NBL1: variants seen among roughly 807,000 people sequenced by gnomAD.
The protein encoded by NBL1 is NBL1, DAN family BMP antagonist.
NBL1 carries 9 observed loss-of-function variants against 16.0 expected under a neutral mutation model. That is an observed-to-expected ratio of 0.56 (90% CI 0.34 to 0.98). The LOEUF is 0.98. Among genes scored for constraint, NBL1 ranks in the 50% least tolerant of loss-of-function variants. The pLI is 0.02. For synonymous variants in NBL1, 86 were observed against 100.7 expected (o/e 0.85, Z 0.87); for missense variants, 196 against 243.1 (o/e 0.81, Z 1.29).
intron 2 of NBL1, 52 bp downstream of exon 2, chr1:19,655,252 G>C: frequency 6.2e-7 from 1 of 1,609,422 alleles, no homozygotes; most frequent in Non-Finnish European, 8.5e-7. Context: ...CAAGGAGGGA[G>C]GAAGAGGACC....
upstream of NBL1, chr1:19,643,716 T>C (rs1206274403): frequency 1.7e-6 from 2 of 1,147,324 alleles, no homozygotes; most frequent in Non-Finnish European, 2.2e-6. The surrounding 1 kb of genome is among the most constrained non-coding windows in gnomAD (Gnocchi z 4.7). Context: ...AGAGCGACAC[T>C]AGGATAACAC....
At position 19,657,071 on chromosome 1, in the gene NBL1, C is replaced by T. The variant is rs1249173867; in HGVS notation, c.488C>T (p.Pro163Leu). The change falls in exon 4 of 4, where the codon CCT (proline) becomes CTT (leucine). Residue 163 changes from proline (P) to leucine (L), a missense_variant. Physicochemically the swap from Pro to Leu is moderately conservative, Grantham distance 98. Transcript: ENST00000375136. Reference sequence around the variant, plus strand: ...CACCCCCATCCTGGCGGGCAGACCCCTGAGCCCGAGGACCCCCCTGGGGCC... The same window carrying T: ...CACCCCCATCCTGGCGGGCAGACCCTTGAGCCCGAGGACCCCCCTGGGGCC... ...HPHPHPGGQT[P>L]EPEDPPGAPH... The T allele has an allele frequency of 2.6e-6, 4 of 1,536,802 alleles. No homozygotes were observed. The highest frequency in any genetic ancestry group is 3.5e-6 in the Non-Finnish European group (4 of 1,138,850).
chr1:19,644,043 C>T, upstream of NBL1: 3 of 980,208 alleles, frequency 3.1e-6, no homozygotes, highest in Non-Finnish European at 3.6e-6. This position sits in a 1 kb window ranked among gnomAD's most constrained non-coding sequence, Gnocchi z 4.6. Flanking sequence ...GGCTGCCCTG[C>T]CTCTCGGGCG....
chr1:19,648,331 G>A (rs2094997388), intron 1 of NBL1, among the ~76,000 whole-genome samples: 2 of 152,192 alleles, frequency 1.3e-5, no homozygotes, highest in Admixed American at 6.5e-5. Flanking sequence ...CCCCTTTCCT[G>A]GGGGCTGGGA....
At chr1:19,656,606 C>T (rs751881391) in intron 3 of NBL1, among the ~76,000 whole-genome samples, 2 of 149,586 alleles carry the variant, frequency 1.3e-5, no homozygotes, top group Non-Finnish European at 3.0e-5. Flanking sequence ...GCGGTGGGGG[C>T]GATTTTAGCA....
At chr1:19,651,625 G>C (rs2095025951) in intron 1 of NBL1, among the ~76,000 whole-genome samples, 1 of 151,938 alleles carries the variant, frequency 6.6e-6, no homozygotes, top group African/African-American at 2.4e-5. Flanking sequence ...CCAACTCCAA[G>C]TGCTCACCCC....
chr1:19,647,498 A>G lies in NBL1; in HGVS notation c.-20+3052A>G, dbSNP rs560217634. ...AAGATTTGAACCCCAGTCTGTCATA[A>G]TTGTGGAGAATGGAGGAGGAGAGCC... On this transcript the variant is annotated intron_variant, in intron 1 of 3. Coordinates refer to ENST00000375136, the MANE Select transcript of NBL1 (RefSeq NM_005380.8). 2.1e-5 allele frequency: 9 copies of G among 419,114 alleles called. No homozygotes were observed. The South Asian group carries it at 6.1e-4, about 28-fold the overall frequency. The allele number at this position is 419,114 out of a possible 1,614,324, so 26.0% of individuals were successfully genotyped here. A position where few individuals can be genotyped will look rare whatever the true frequency, so the allele number is the denominator to read the frequency against.
chr1:19,646,430 C>T (rs2094980904), intron 1 of NBL1, among the ~76,000 whole-genome samples: 1 of 152,204 alleles, frequency 6.6e-6, no homozygotes, highest in Admixed American at 6.5e-5. Flanking sequence ...CAGAACTCAT[C>T]CTCAAACCCC....
chr1:19,650,323 C>A (rs1170119444), intron 1 of NBL1, among the ~76,000 whole-genome samples: 1 of 152,226 alleles, frequency 6.6e-6, no homozygotes, highest in African/African-American at 2.4e-5. Context: ...AATTCAGAAC[C>A]TCTGCTTCCC....
chr1:19,643,918 A>G, upstream of NBL1: 9 of 986,448 alleles, frequency 9.1e-6, no homozygotes, highest in Non-Finnish European at 1.1e-5. The surrounding 1 kb of genome is among the most constrained non-coding windows in gnomAD (Gnocchi z 4.7). Context: ...CATCTTTGTC[A>G]CCCCGAGGCC....
chr1:19,645,861 G>T, intron 1 of NBL1: 2 of 1,522,496 alleles, frequency 1.3e-6, no homozygotes, highest in Non-Finnish European at 8.8e-7. Flanking sequence ...GAGTTTAGCT[G>T]CTTCCCCCCA....
rs192983491 is a variant in NBL1, at chr1:19,654,923, G to A, written c.-19-89G>A. On this transcript the variant is annotated intron_variant, in intron 1 of 3. Transcript: ENST00000375136. The stretch of plus-strand genomic sequence containing the variant: ...GTGGGAGAGCTGGGGTTGCGCCAAG[G>A]AGTCGGATGCCAGAGTCCATGCTGT... 1.5e-3 allele frequency: 2,180 copies of A among 1,441,638 alleles called. 1 individual carries two copies. The highest frequency in any genetic ancestry group is 1.8e-3 in the Non-Finnish European group (1,988 of 1,098,686). The allele number at this position is 1,441,638 out of a possible 1,614,324, so 89.3% of individuals were successfully genotyped here. A position where few individuals can be genotyped will look rare whatever the true frequency, so the allele number is the denominator to read the frequency against.
intron 1 of NBL1, among the ~76,000 whole-genome samples, chr1:19,648,696 T>C (rs1351353812): frequency 7.0e-6 from 1 of 143,330 alleles, no homozygotes; most frequent in Non-Finnish European, 1.5e-5. Flanking sequence ...ATTTCCTTTC[T>C]GTGTGGGCGG....
At chr1:19,656,188 G>A (rs1008791157) in intron 3 of NBL1, among the ~76,000 whole-genome samples, 2 of 152,030 alleles carry the variant, frequency 1.3e-5, no homozygotes, top group East Asian at 1.9e-4. Flanking sequence ...CAGGGTAGGC[G>A]CTCTGTGGAA....
chr1:19,653,129 T>C (rs557896820), intron 1 of NBL1, among the ~76,000 whole-genome samples: 295 of 150,636 alleles, frequency 2.0e-3, no homozygotes, highest in Middle Eastern at 3.4e-3. Context: ...CTACTGAAAA[T>C]ACAAAAAATT....
chr1:19,643,592 G>T (rs144366484), upstream of NBL1: 2,715 of 1,402,614 alleles, frequency 1.9e-3, 46 homozygotes, highest in African/African-American at 0.035. This position sits in a 1 kb window ranked among gnomAD's most constrained non-coding sequence, Gnocchi z 4.7. Flanking sequence ...GGAAGCTGGG[G>T]CCAGGAGCTC....
upstream of NBL1, chr1:19,644,106 A>AGCCCGGGGCGGGCGGGCCAGGAGAGG: frequency 1.0e-6 from 1 of 972,612 alleles, no homozygotes; most frequent in Non-Finnish European, 1.2e-6. This position sits in a 1 kb window ranked among gnomAD's most constrained non-coding sequence, Gnocchi z 4.6. Context: ...GCCGAAGCTC[A>AGCCCGGGGCGGGCGGGCCAGGAGAGG]GCCCGGGGCG....
upstream of NBL1, chr1:19,643,514 A>G: frequency 6.6e-7 from 1 of 1,506,470 alleles, no homozygotes. The surrounding 1 kb of genome is among the most constrained non-coding windows in gnomAD (Gnocchi z 4.7). Flanking sequence ...AGCACACAGA[A>G]TAGAGAAGGT....
Position 19,644,432 on chromosome 1 carries a change from C to CGGCG in NBL1, c.-29_-26dup. 2 of 978,918 alleles carry CGGCG rather than the reference C, an allele frequency of 2.0e-6. No individual in the cohort carries two copies. Among genetic ancestry groups the CGGCG allele is most frequent in the Non-Finnish European group, 2.4e-6 (2 of 827,474 alleles). 60.6% of individuals were successfully genotyped at this position (978,918 alleles called of 1,614,324 possible). A position where few individuals can be genotyped will look rare whatever the true frequency, so the allele number is the denominator to read the frequency against. On this transcript the variant is annotated 5_prime_UTR_variant, in exon 1 of 4. Coordinates refer to ENST00000375136, the MANE Select transcript of NBL1 (RefSeq NM_005380.8). This position sits in a 1 kb window ranked among gnomAD's most constrained non-coding sequence, Gnocchi z 4.6. ...ACCCCCGCACCCAGCTCCGCAGGAC[C>CGGCG]GGCGGGCGCGCGCGGTAAGTCCCGC...
Sources: allele counts gnomAD v4.1 joint callset (sites outside exome capture counted in the v4.1 genomes callset), GRCh38; gene constraint gnomAD v4.1.1; non-coding constraint Gnocchi (gnomAD v3.1); transcripts MANE v1.5; gene names NCBI Gene and HGNC (gene_info 2026-07-23, HGNC 2026-07-21).